Variants in MIB2 observed in about 807,000 individuals in gnomAD.
MIB2 encodes the protein E3 ubiquitin-protein ligase MIB2.
In MIB2, 78 loss-of-function variants were observed where a neutral mutation model predicts 96.6. That is an observed-to-expected ratio of 0.81 (90% confidence interval 0.67 to 0.97). MIB2 has a LOEUF of 0.97. Ranked by LOEUF, MIB2 falls within the 50% of genes least tolerant of loss-of-function variation. MIB2 has a pLI of 0.00. For missense variants in MIB2, 1,543 were observed against 1,424.0 expected (o/e 1.08, Z -1.35); for synonymous variants, 820 against 629.5 (o/e 1.30, Z -4.53).
In MIB2 at chr1:1,615,880, C is replaced by A. The variant is rs1039604774; in HGVS notation, c.-130+247C>A. ...AGCTCCCGGCAGGCCTCGCGCGGCC[C>A]GGGGCCAGCGGCGCTGGGGTCGGCG... On this transcript the variant is annotated intron_variant, in intron 1 of 19. Transcript: ENST00000355826. 1.1e-5 allele frequency: 12 copies of A among 1,074,326 alleles called. No homozygotes were observed. The African/African-American group carries it at 1.9e-4, about 17-fold the overall frequency. 66.5% of individuals were successfully genotyped at this position (1,074,326 alleles called of 1,614,324 possible). A position where few individuals can be genotyped will look rare whatever the true frequency, so the allele number is the denominator to read the frequency against.
In MIB2 at chr1:1,625,981, G is replaced by C. The variant is rs547885329; in HGVS notation, c.972+328G>C. On this transcript the variant is annotated intron_variant, in intron 8 of 19. Transcript: ENST00000355826. This position sits in a 1 kb window ranked among gnomAD's most constrained non-coding sequence, Gnocchi z 5.0. ...GGCTAAGATGCTCCTGGTTAGTGCT[G>C]TATGGGGGCCGATGGGGGTGGCTGG... 2.7e-6 allele frequency: 1 copy of C among 373,314 alleles called. No individual in the cohort carries two copies. The highest frequency in any genetic ancestry group is 2.1e-5 in the African/African-American group (1 of 48,622). The allele number at this position is 373,314 out of a possible 1,614,324, so 23.1% of individuals were successfully genotyped here. A position where few individuals can be genotyped will look rare whatever the true frequency, so the allele number is the denominator to read the frequency against.
Position 1,630,501 on chromosome 1 carries a change from A to G in MIB2, c.2839A>G (p.Ile947Val), listed in dbSNP as rs1454086665. The G allele has an allele frequency of 1.3e-6, 2 of 1,591,738 alleles. No individual in the cohort carries two copies. The highest frequency in any genetic ancestry group is 1.4e-5 in the African/African-American group (1 of 73,986). The change falls in exon 20 of 20, where the codon ATC becomes GTC. Residue 947 changes from isoleucine to valine, a missense_variant. Ile to Val is a conservative substitution (Grantham distance 29). Coordinates refer to ENST00000355826, the MANE Select transcript of MIB2 (RefSeq NM_001170687.4). ...CGCCTGCCCCATCTGCCGCCAGCCC[A>G]TCCGCGACCGCATCCAGATCTTCGT... is the stretch of plus-strand genomic sequence containing the variant. Reference protein sequence around the residue: ...LSACPICRQPIRDRIQIFV With the variant: ...LSACPICRQPVRDRIQIFV
At chr1:1,627,588 C>A (rs1644922127) in intron 12 of MIB2, 85 bp from the exon 13 acceptor site, 1 of 1,506,502 alleles carries the variant, frequency 6.6e-7, no homozygotes, top group African/African-American at 1.4e-5. Flanking sequence ...GCCTGTGCGT[C>A]CTGGGGTCGG....
chr1:1,630,371 G>A lies in MIB2; in HGVS notation c.2709G>A (p.Arg903=). The change falls in exon 20 of 20, where the codon CGG becomes CGA. Residue 903 remains arginine (R), a synonymous_variant. Coordinates refer to ENST00000355826, the MANE Select transcript of MIB2 (RefSeq NM_001170687.4). ...TGGAGGAGCTGCAGAGCCGCTACCG[G>A]CAGATGGAGGAACGCATCACCTGCC... The part of the protein sequence containing the change: ...QLVEELQSRY[R]QMEERITCPI... 6.5e-7 allele frequency: 1 copy of A among 1,548,244 alleles called. No homozygotes were observed. Among genetic ancestry groups the A allele is most frequent in the Non-Finnish European group, 8.7e-7 (1 of 1,147,966 alleles).
chr1:1,625,440 C>A lies in MIB2; in HGVS notation c.864+12C>A. 6.4e-7 allele frequency: 1 copy of A among 1,563,374 alleles called. No individual in the cohort carries two copies. The highest frequency in any genetic ancestry group is 2.4e-5 in the East Asian group (1 of 41,724). On this transcript the variant is annotated intron_variant, in intron 7 of 19. Coordinates refer to ENST00000355826, the MANE Select transcript of MIB2 (RefSeq NM_001170687.4). This position sits in a 1 kb window ranked among gnomAD's most constrained non-coding sequence, Gnocchi z 5.0. ...CCAGGATGGCGGAGGTGAGCCGCCC[C>A]GCCGTGGAGCCCTGTGTGCCCTGCC...
At chr1:1,617,856 GTGGGTAGA>G (rs1238604764) in intron 2 of MIB2, 9 of 152,286 alleles carry the variant, frequency 5.9e-5, no homozygotes, top group African/African-American at 2.2e-4. Context: ...CCTGTGAACT[GTGGGTAGA>G]TGGCAAAGTC....
chr1:1,624,492 C>T (rs555293709), intron 4 of MIB2, among the ~76,000 whole-genome samples: 6 of 152,270 alleles, frequency 3.9e-5, no homozygotes, highest in Non-Finnish European at 7.4e-5. Context: ...ATGAAGCGAC[C>T]GCACCCAGAG....
upstream of MIB2, chr1:1,615,352 T>G: frequency 7.1e-7 from 1 of 1,404,868 alleles, no homozygotes; most frequent in Middle Eastern, 2.6e-4. Context: ...GCCCGGAGGC[T>G]AAGCCGCTCG....
chr1:1,624,733 G>C (rs1218076359), intron 4 of MIB2, 62 bp from the exon 5 acceptor site: 2 of 1,481,656 alleles, frequency 1.3e-6, no homozygotes, highest in African/African-American at 2.8e-5. Context: ...CTCCCAAGTG[G>C]CTCAAGATGG....
At chr1:1,629,840 A>G (rs1295004464) in intron 19 of MIB2, 136 bp downstream of exon 19, 66 of 905,828 alleles carry the variant, frequency 7.3e-5, no homozygotes, top group Non-Finnish European at 9.3e-5. Context: ...CAAGGCTCAC[A>G]CCCGGCCCCC....
chr1:1,628,815 C>A, intron 16 of MIB2, 93 bp downstream of exon 16: 1 of 1,117,072 alleles, frequency 9.0e-7, no homozygotes, highest in Non-Finnish European at 1.2e-6. Flanking sequence ...CCTTCCCCTC[C>A]AGTGATGGCC....
chr1:1,620,368 G>A (rs532220511), intron 2 of MIB2, among the ~76,000 whole-genome samples: 2 of 133,796 alleles, frequency 1.5e-5, no homozygotes, highest in South Asian at 5.2e-4. Context: ...CGGCAGATGC[G>A]TGTCCCCTAC....
Position 1,626,753 on chromosome 1 carries a change from C to G in MIB2, c.1076C>G (p.Pro359Arg), listed in dbSNP as rs753162422. The change falls in exon 9 of 20, where the codon CCT (proline) becomes CGT (arginine). Residue 359 changes from proline to arginine, a missense_variant and splice_region_variant. Transcript: ENST00000355826. This position sits in a 1 kb window ranked among gnomAD's most constrained non-coding sequence, Gnocchi z 5.3. The stretch of plus-strand genomic sequence containing the variant: ...GGCGAGTGGACGGACGACATGGCCC[C>G]TGTGAGTCCCCCTGCCACCCCCGCC... Reference protein sequence around the residue: ...GHGEWTDDMAPALGRVGKVVK... With the variant: ...GHGEWTDDMARALGRVGKVVK... 6.3e-7 allele frequency: 1 copy of G among 1,585,938 alleles called. No individual in the cohort carries two copies. The highest frequency in any genetic ancestry group is 8.6e-7 in the Non-Finnish European group (1 of 1,168,810).
Position 1,626,797 on chromosome 1 carries a change from C to G in MIB2, c.1078-40C>G, listed in dbSNP as rs374320129. 464 of 1,593,152 alleles carry G rather than the reference C, an allele frequency of 2.9e-4. No individual in the cohort carries two copies. Among genetic ancestry groups the G allele is most frequent in the Non-Finnish European group, 3.8e-4 (441 of 1,173,308 alleles). On this transcript the variant is annotated intron_variant, in intron 9 of 19. Transcript: ENST00000355826. The surrounding 1 kb of genome is among the most constrained non-coding windows in gnomAD (Gnocchi z 5.3). ...CCCCGCCGCTAGCGCCGCTGCCCCCCACACCTGCAGCCTGCTGTGACCCCC... is the reference window on the plus strand; with the variant it reads ...CCCCGCCGCTAGCGCCGCTGCCCCCGACACCTGCAGCCTGCTGTGACCCCC...
intron 16 of MIB2, 121 bp downstream of exon 16, chr1:1,628,843 T>G (rs1163817898): frequency 3.1e-6 from 3 of 956,528 alleles, no homozygotes; most frequent in Non-Finnish European, 4.5e-6. Context: ...CCAGGCGTTC[T>G]GGGGGTGGAG....
intron 19 of MIB2, among the ~76,000 whole-genome samples, chr1:1,629,930 C>T (rs976425518): frequency 2.0e-5 from 3 of 148,814 alleles, no homozygotes; most frequent in African/African-American, 7.5e-5. Flanking sequence ...CCTCCTCCCC[C>T]ATCACACCCC....
Position 1,628,692 on chromosome 1 carries a change from G to T in MIB2, c.2172G>T (p.Gly724=). The T allele has an allele frequency of 1.3e-6, 2 of 1,566,158 alleles. No homozygotes were observed. Among genetic ancestry groups the T allele is most frequent in the Non-Finnish European group, 8.6e-7 (1 of 1,157,450 alleles). The change falls in exon 16 of 20, where the codon GGG becomes GGT. Residue 724 remains glycine, a synonymous_variant. Transcript: ENST00000355826. ...LLPLVADGAG[G]DPGPLQLLSR... ...CCCTGGTGGCTGATGGGGCCGGGGGGGACCCAGGGCCCTTGCAGCTGCTGT... is the reference window on the plus strand; with the variant it reads ...CCCTGGTGGCTGATGGGGCCGGGGGTGACCCAGGGCCCTTGCAGCTGCTGT...
rs1048798572 is a variant in MIB2, at chr1:1,630,557, G to T, written c.*27G>T. On this transcript the variant is annotated 3_prime_UTR_variant, in exon 20 of 20. Transcript: ENST00000355826. ...CCGCGCCGTCCGCCGCGCCCGAGCTGCCTTCGCGTGCCCCCGCCCTGTGTT... is the reference window on the plus strand; with the variant it reads ...CCGCGCCGTCCGCCGCGCCCGAGCTTCCTTCGCGTGCCCCCGCCCTGTGTT... The T allele has an allele frequency of 2.0e-6, 3 of 1,485,348 alleles. No homozygotes were observed. In the African/African-American group the frequency reaches 4.3e-5, roughly 21 times the overall value. The allele number at this position is 1,485,348 out of a possible 1,614,324, so 92.0% of individuals were successfully genotyped here. A position where few individuals can be genotyped will look rare whatever the true frequency, so the allele number is the denominator to read the frequency against.
chr1:1,628,876 T>A (rs1645078969), intron 16 of MIB2, among the ~76,000 whole-genome samples, 154 bp downstream of exon 16: 1 of 152,180 alleles, frequency 6.6e-6, no homozygotes, highest in Admixed American at 6.5e-5. Flanking sequence ...AAGTTCTATG[T>A]GATCCTTCAG....
Sources: gnomAD v4.1 joint callset for allele counts (sites outside exome capture counted in the v4.1 genomes callset) on GRCh38, gnomAD v4.1.1 for gene constraint, Gnocchi (gnomAD v3.1) non-coding constraint, MANE v1.5 for transcripts, NCBI Gene and HGNC (gene_info 2026-07-23, HGNC 2026-07-21) for gene names.